EIF4H: variants seen among roughly 807,000 people sequenced by gnomAD.
EIF4H encodes the protein Williams-Beuren syndrome chromosome region 1.
Under a neutral mutation model 30.6 loss-of-function variants are expected in EIF4H, and 8 were observed. The observed-to-expected ratio is 0.26, with a 90% CI of 0.15 to 0.47. The LOEUF is 0.47. Ranked by LOEUF, EIF4H falls within the 20% of genes least tolerant of loss-of-function variation. The probability of loss-of-function intolerance (pLI) is 0.99; values close to 1 mark genes in which losing one functional copy is unlikely to be tolerated. For missense variants in EIF4H, 188 were observed against 339.5 expected (o/e 0.55, Z 3.51); for synonymous variants, 106 against 122.7 (o/e 0.86, Z 0.90).
At chr7:74,179,312 A>G (rs1335420517) in intron 1 of EIF4H, among the ~76,000 whole-genome samples, 2 of 152,232 alleles carry the variant, frequency 1.3e-5, no homozygotes, top group Admixed American at 1.3e-4. Context: ...AACCTTATCA[A>G]TAAACTCTTC....
chr7:74,182,278 A>G lies in EIF4H; in HGVS notation c.60-5333A>G, dbSNP rs568552117. On this transcript the variant is annotated intron_variant, in intron 1 of 6. Transcript: ENST00000265753. ...ACTCTTCTCTATACTACTATGGTTT[A>G]TAATAGGTAGTATAAATGGTATTTA... Among the ~76,000 whole-genome samples, 3 of 152,344 alleles carry G rather than the reference A, an allele frequency of 2.0e-5. No homozygotes were observed. In the East Asian group the frequency reaches 5.8e-4, roughly 29 times the overall value.
intron 1 of EIF4H, among the ~76,000 whole-genome samples, chr7:74,180,754 G>T (rs113622036): frequency 0.022 from 3,330 of 152,306 alleles, 115 homozygotes; most frequent in African/African-American, 0.074. Flanking sequence ...TTCGAAAGAA[G>T]CCTCAGCAGC....
At chr7:74,187,498 G>T (rs1431201546) in intron 1 of EIF4H, 113 bp from the exon 2 acceptor site, 2 of 1,102,068 alleles carry the variant, frequency 1.8e-6, no homozygotes, top group Non-Finnish European at 2.5e-6. Flanking sequence ...GTGGTACATC[G>T]AGCAGAGTGC....
chr7:74,193,544 A>T (rs1554710266), intron 5 of EIF4H, among the ~76,000 whole-genome samples: 2 of 150,976 alleles, frequency 1.3e-5, no homozygotes, highest in Admixed American at 6.6e-5. Flanking sequence ...TAGCAGTGGC[A>T]CCCCCTGAGT....
chr7:74,193,906 A>G (rs950961303), intron 5 of EIF4H, among the ~76,000 whole-genome samples: 17 of 152,242 alleles, frequency 1.1e-4, no homozygotes, highest in African/African-American at 4.1e-4. Flanking sequence ...TCTTTTTACC[A>G]AATTTTAACA....
At chr7:74,191,577 ATC>A (rs1801214193) in intron 5 of EIF4H, among the ~76,000 whole-genome samples, 1 of 151,992 alleles carries the variant, frequency 6.6e-6, no homozygotes, top group Non-Finnish European at 1.5e-5. Context: ...GCGAGAGTAG[ATC>A]TTTTTTACTT....
intron 1 of EIF4H, among the ~76,000 whole-genome samples, chr7:74,174,680 C>T (rs962528315): frequency 1.0e-5 from 1 of 97,168 alleles, no homozygotes; most frequent in Non-Finnish European, 2.6e-5. Context: ...CTCCCGCCAA[C>T]GACAACGTGT....
Position 74,194,796 on chromosome 7 carries a change from A to G in EIF4H, c.525A>G (p.Arg175=). Residue 175 remains arginine, a synonymous_variant, in exon 6 of 7, where the codon CGA becomes CGG. Coordinates refer to ENST00000265753, the MANE Select transcript of EIF4H (RefSeq NM_022170.2). ...GAGGTAGTCGCCCAGGCGACCGGCG[A>G]ACAGGCCCCCCCATGGGCAGCCGCT... ...GRGGSRPGDR[R]TGPPMGSRFR... 6.2e-7 allele frequency: 1 copy of G among 1,603,690 alleles called. No homozygotes were observed. The highest frequency in any genetic ancestry group is 1.1e-5 in the South Asian group (1 of 90,780).
chr7:74,193,716 G>A (rs1027887936), intron 5 of EIF4H, among the ~76,000 whole-genome samples: 13 of 151,852 alleles, frequency 8.6e-5, no homozygotes, highest in East Asian at 1.9e-4. Flanking sequence ...AGGTTCGAGC[G>A]ATTATCCTGC....
At chr7:74,189,776 ATTG>A in intron 3 of EIF4H, 39 bp downstream of exon 3, 1 of 1,614,060 alleles carries the variant, frequency 6.2e-7, no homozygotes, top group Non-Finnish European at 8.5e-7. Context: ...AGCAGTTGAG[ATTG>A]TTTTCTTTGC....
intron 5 of EIF4H, among the ~76,000 whole-genome samples, chr7:74,193,689 T>C (rs1009398851): frequency 3.3e-5 from 5 of 151,936 alleles, no homozygotes; most frequent in African/African-American, 4.8e-5. Flanking sequence ...CTTGGCTCAC[T>C]GCACCCTCTA....
At chr7:74,180,329 T>C (rs534730978) in intron 1 of EIF4H, among the ~76,000 whole-genome samples, 1 of 152,340 alleles carries the variant, frequency 6.6e-6, no homozygotes, top group Non-Finnish European at 1.5e-5. Flanking sequence ...AGCTTGTAGC[T>C]CAAGTGCTTT....
intron 1 of EIF4H, among the ~76,000 whole-genome samples, chr7:74,179,153 G>T (rs1186630342): frequency 6.6e-6 from 1 of 152,182 alleles, no homozygotes; most frequent in Non-Finnish European, 1.5e-5. Flanking sequence ...TGCTTTGGTT[G>T]ACTTTTATGG....
intron 5 of EIF4H, among the ~76,000 whole-genome samples, chr7:74,192,317 A>G (rs1275194922): frequency 1.3e-5 from 2 of 152,194 alleles, no homozygotes; most frequent in Non-Finnish European, 2.9e-5. Context: ...TGGGTAAAAT[A>G]CTTTGTAAAG....
rs1801353962 is a variant in EIF4H at position 74,196,445 on chromosome 7, T to G, written c.*1137T>G. ...CAGTAGAGGACTGCAGCTGTCTAGG[T>G]CTGCGGCCACATCTTGGGGACACAC... On this transcript the variant is annotated 3_prime_UTR_variant, in exon 7 of 7. Coordinates refer to ENST00000265753, the MANE Select transcript of EIF4H (RefSeq NM_022170.2). 1 of 152,710 alleles carries G rather than the reference T, an allele frequency of 6.5e-6. No homozygotes were observed. Among genetic ancestry groups the G allele is most frequent in the Non-Finnish European group, 1.5e-5 (1 of 68,108 alleles). The allele number at this position is 152,710 out of a possible 1,614,324, so 9.5% of individuals were successfully genotyped here. A position where few individuals can be genotyped will look rare whatever the true frequency, so the allele number is the denominator to read the frequency against.
In EIF4H at chr7:74,195,287, C is replaced by G. The variant is rs147228784; in HGVS notation, c.726C>G (p.Val242=). ...GGGGTGCCAGGCCTAGAGAGGAAGT[C>G]GTTCAAAAGGAGCAAGAATGAGCCT... ...IFGGARPREE[V]VQKEQE The change falls in exon 7 of 7, where the codon GTC becomes GTG. Residue 242 remains valine, a synonymous_variant. Coordinates refer to ENST00000265753, the MANE Select transcript of EIF4H (RefSeq NM_022170.2). The G allele has an allele frequency of 2.7e-5, 44 of 1,613,672 alleles. No homozygotes were observed. The African/African-American group carries it at 5.5e-4, about 20-fold the overall frequency.
rs782610397 is a variant in EIF4H, at chr7:74,190,287, C to A, written c.450C>A (p.Ser150=). The change falls in exon 5 of 7, where the codon TCC becomes TCA. Residue 150 remains serine, a synonymous_variant. Coordinates refer to ENST00000265753, the MANE Select transcript of EIF4H (RefSeq NM_022170.2). ...GAGAATCTAGAGGTGGATGGGATTC[C>A]CGGGATGACTTCAATTCTGGTATCA... ...SSRESRGGWD[S]RDDFNSGFRD... is the part of the protein sequence containing the mutation. 1 of 1,614,142 alleles carries A rather than the reference C, an allele frequency of 6.2e-7. No individual in the cohort carries two copies. The highest frequency in any genetic ancestry group is 2.2e-5 in the East Asian group (1 of 44,888).
At chr7:74,181,476 G>C (rs1172058252) in intron 1 of EIF4H, among the ~76,000 whole-genome samples, 1 of 152,044 alleles carries the variant, frequency 6.6e-6, no homozygotes, top group African/African-American at 2.4e-5. Context: ...TTGTTGCCCA[G>C]GCTGGAATGC....
Position 74,195,566 on chromosome 7 carries a change from T to C in EIF4H, c.*258T>C, listed in dbSNP as rs1554710620. ...TTCCCCATTTTCCTTCTGTCCTTTT[T>C]CTCCTGCTCCTTGTTTTCCCAGCAG... On this transcript the variant is annotated 3_prime_UTR_variant, in exon 7 of 7. Coordinates refer to ENST00000265753, the MANE Select transcript of EIF4H (RefSeq NM_022170.2). 1 of 352,118 alleles carries C rather than the reference T, an allele frequency of 2.8e-6. No homozygotes were observed. The highest frequency in any genetic ancestry group is 2.1e-5 in the African/African-American group (1 of 47,364). The allele number at this position is 352,118 out of a possible 1,614,324, so 21.8% of individuals were successfully genotyped here.
Sources: gnomAD v4.1 joint callset for allele counts (sites outside exome capture counted in the v4.1 genomes callset) on GRCh38, gnomAD v4.1.1 for gene constraint, MANE v1.5 for transcripts, NCBI Gene and HGNC (gene_info 2026-07-23, HGNC 2026-07-21) for gene names.